Variants in KLF16 observed in about 807,000 individuals in gnomAD.
KLF16 encodes Krueppel-like factor 16.
In KLF16, 6 loss-of-function variants were observed where a neutral mutation model predicts 6.1. The observed-to-expected ratio is 0.98, with a 90% CI of 0.54 to 1.93. The LOEUF (loss-of-function observed/expected upper bound fraction) is 1.93, where lower values mean the gene tolerates loss of function less well. Among genes scored for constraint, KLF16 ranks in the 30% most tolerant of loss-of-function variants. The probability of loss-of-function intolerance (pLI) is 0.01; values close to 1 mark genes in which losing one functional copy is unlikely to be tolerated. For missense variants in KLF16, 355 were observed against 363.8 expected (o/e 0.98, Z 0.20); for synonymous variants, 211 against 176.5 (o/e 1.20, Z -1.55).
At chr19:1,874,494 A>G in the KLF16 span, among the ~76,000 whole-genome samples, 4 of 152,186 alleles carry the variant, frequency 2.6e-5, no homozygotes, top group African/African-American at 7.2e-5. Context: ...TATATGGGGA[A>G]AAAAAAACCC....
At chr19:1,873,443 C>A in the KLF16 span, among the ~76,000 whole-genome samples, 1 of 152,042 alleles carries the variant, frequency 6.6e-6, no homozygotes, top group African/African-American at 2.4e-5. Context: ...GCCCTCCCCC[C>A]GGGCTCCGGG....
chr19:1,863,582 G>GGGA (rs2012120973), upstream of KLF16: 1 of 562,248 alleles, frequency 1.8e-6, no homozygotes, highest in South Asian at 7.4e-5. Context: ...GCTCGAGTGC[G>GGGA]GGAGGCGGAG....
At chr19:1,855,139 A>C (rs1055761652) in intron 1 of KLF16, among the ~76,000 whole-genome samples, 2 of 152,204 alleles carry the variant, frequency 1.3e-5, no homozygotes, top group African/African-American at 2.4e-5. Flanking sequence ...TGTCTGTCCC[A>C]GGCACAGGCA....
In KLF16 at chr19:1,854,255, C is replaced by G. The variant is rs2011899037; in HGVS notation, c.*204G>C. ...TATCATGGCTATTTACAGACACAAG[C>G]CCCCGTCACCCATCCTGAGAGCCAC... On this transcript the variant is annotated 3_prime_UTR_variant, in exon 2 of 2. Transcript: ENST00000250916. The G allele has an allele frequency of 4.4e-6, 2 of 455,778 alleles. No homozygotes were observed. The highest frequency in any genetic ancestry group is 6.9e-6 in the Non-Finnish European group (2 of 289,734). 28.2% of individuals were successfully genotyped at this position (455,778 alleles called of 1,614,324 possible).
chr19:1,876,431 G>A, the KLF16 span, among the ~76,000 whole-genome samples: 2 of 152,192 alleles, frequency 1.3e-5, no homozygotes. Flanking sequence ...GAGATCGTAG[G>A]AACTCTTCTC....
At chr19:1,871,658 G>C in the KLF16 span, among the ~76,000 whole-genome samples, 1 of 152,172 alleles carries the variant, frequency 6.6e-6, no homozygotes, top group Non-Finnish European at 1.5e-5. Context: ...ACCACGCACG[G>C]TGGGGGGCGG....
At position 1,854,201 on chromosome 19, in the gene KLF16, C is replaced by G. The variant is rs547081062; in HGVS notation, c.*258G>C. 72 of 408,796 alleles carry G rather than the reference C, an allele frequency of 1.8e-4. 1 individual carries two copies. In the South Asian group the frequency reaches 4.4e-3, roughly 25 times the overall value. 25.3% of individuals were successfully genotyped at this position (408,796 alleles called of 1,614,324 possible). A position where few individuals can be genotyped will look rare whatever the true frequency, so the allele number is the denominator to read the frequency against. ...GGACCTCCTAGCTGCCCTGGGGGGGCCCCGTTGCACAGATGGGAAGAAAGT... is the reference window on the plus strand; with the variant it reads ...GGACCTCCTAGCTGCCCTGGGGGGGGCCCGTTGCACAGATGGGAAGAAAGT... On this transcript the variant is annotated 3_prime_UTR_variant, in exon 2 of 2. Coordinates refer to ENST00000250916, the MANE Select transcript of KLF16 (RefSeq NM_031918.4).
chr19:1,854,677 G>T lies in KLF16; in HGVS notation c.541C>A (p.His181Asn). 6.2e-7 allele frequency: 1 copy of T among 1,600,596 alleles called. No individual in the cohort carries two copies. Among genetic ancestry groups the T allele is most frequent in the Non-Finnish European group, 8.5e-7 (1 of 1,179,630 alleles). The change falls in exon 2 of 2, where the codon CAC becomes AAC. Residue 181 changes from histidine (H) to asparagine (N), a missense_variant. Coordinates refer to ENST00000250916, the MANE Select transcript of KLF16 (RefSeq NM_031918.4). Reference protein sequence around the residue: ...SDELARHHRTHTGEKRFSCPL... With the variant: ...SDELARHHRTNTGEKRFSCPL... ...CAGGAGAAGCGCTTCTCGCCCGTGT[G>T]CGTCCGGTGGTGGCGGGCCAGCTCG...
At chr19:1,871,643 G>T in the KLF16 span, among the ~76,000 whole-genome samples, 1 of 152,146 alleles carries the variant, frequency 6.6e-6, no homozygotes, top group Non-Finnish European at 1.5e-5. Flanking sequence ...CAGTCCAGGG[G>T]GGCCACCACG....
the KLF16 span, among the ~76,000 whole-genome samples, chr19:1,869,353 G>A: frequency 4.6e-5 from 7 of 152,228 alleles, no homozygotes; most frequent in East Asian, 1.9e-4. Context: ...GGTGGTGGGC[G>A]CCTGTAATCC....
rs980334371 is a variant in KLF16, at chr19:1,853,409, G to C, written c.*1050C>G. On this transcript the variant is annotated 3_prime_UTR_variant, in exon 2 of 2. Transcript: ENST00000250916. ...ACCTCTTCCAAGCACCCAGGAGAAG[G>C]AGGGGAGGCCAGGGAAGCAGGGCCG... The C allele has an allele frequency of 6.5e-6, 1 of 152,746 alleles. No individual in the cohort carries two copies. 9.5% of individuals were successfully genotyped at this position (152,746 alleles called of 1,614,324 possible).
intron 1 of KLF16, among the ~76,000 whole-genome samples, chr19:1,858,687 T>C (rs1298620779): frequency 2.0e-5 from 3 of 151,940 alleles, no homozygotes; most frequent in Admixed American, 6.5e-5. Flanking sequence ...GCCGCCAAAC[T>C]ATCACTACTC....
At chr19:1,870,929 G>A in the KLF16 span, among the ~76,000 whole-genome samples, 1 of 152,224 alleles carries the variant, frequency 6.6e-6, no homozygotes, top group Non-Finnish European at 1.5e-5. Flanking sequence ...CCAGGAGGTG[G>A]AGATTGCTGT....
chr19:1,872,673 G>A, the KLF16 span, among the ~76,000 whole-genome samples: 5 of 152,100 alleles, frequency 3.3e-5, no homozygotes, highest in African/African-American at 7.2e-5. Flanking sequence ...TGTGTGTCCC[G>A]GGACCTTATT....
the KLF16 span, among the ~76,000 whole-genome samples, chr19:1,874,492 G>C: frequency 1.3e-5 from 2 of 148,544 alleles, no homozygotes; most frequent in Non-Finnish European, 3.0e-5. Flanking sequence ...AATATATGGG[G>C]AAAAAAAAAC....
In KLF16 at chr19:1,853,429, G is replaced by C. The variant is rs1474568589; in HGVS notation, c.*1030C>G. The C allele has an allele frequency of 1.3e-5, 2 of 152,590 alleles. No homozygotes were observed. The highest frequency in any genetic ancestry group is 2.9e-5 in the Non-Finnish European group (2 of 68,176). The allele number at this position is 152,590 out of a possible 1,614,324, so 9.5% of individuals were successfully genotyped here. A position where few individuals can be genotyped will look rare whatever the true frequency, so the allele number is the denominator to read the frequency against. Reference sequence around the variant, plus strand: ...AGAAGGAGGGGAGGCCAGGGAAGCAGGGCCGGGCCAGGCTGCAGCCCAGGC... The same window carrying C: ...AGAAGGAGGGGAGGCCAGGGAAGCACGGCCGGGCCAGGCTGCAGCCCAGGC... On this transcript the variant is annotated 3_prime_UTR_variant, in exon 2 of 2. Transcript: ENST00000250916.
chr19:1,868,480 T>A (rs1307624579), upstream of KLF16, among the ~76,000 whole-genome samples: 183 of 57,888 alleles, frequency 3.2e-3, 4 homozygotes, highest in African/African-American at 5.4e-3. Context: ...TTTTTTTTTT[T>A]TTTTTTTTTT....
chr19:1,856,695 C>G (rs2011956358), intron 1 of KLF16, among the ~76,000 whole-genome samples: 1 of 152,234 alleles, frequency 6.6e-6, no homozygotes, highest in East Asian at 1.9e-4. Flanking sequence ...TCCCAAGGGC[C>G]TCAGTCTGGG....
At chr19:1,873,779 G>A in the KLF16 span, among the ~76,000 whole-genome samples, 2 of 152,244 alleles carry the variant, frequency 1.3e-5, no homozygotes, top group Admixed American at 6.5e-5. Flanking sequence ...GGTCCCAAGA[G>A]CAGGGGGTGG....
Sources: gnomAD v4.1 joint callset for allele counts (sites outside exome capture counted in the v4.1 genomes callset) on GRCh38, gnomAD v4.1.1 for gene constraint, MANE v1.5 for transcripts, NCBI Gene and HGNC (gene_info 2026-07-23, HGNC 2026-07-21) for gene names.